Variants in MYH11 observed in about 807,000 individuals in gnomAD.
MYH11 encodes myosin-11.
In MYH11, 80 loss-of-function variants were observed where a neutral mutation model predicts 246.6. The ratio of observed to expected loss-of-function variants is 0.32; its 90% CI spans 0.27 to 0.39. The LOEUF is 0.39. Ranked by LOEUF, MYH11 falls within the 10% of genes least tolerant of loss-of-function variation. The probability of loss-of-function intolerance (pLI) is 1.00; values close to 1 mark genes in which losing one functional copy is unlikely to be tolerated. For missense variants in MYH11, 2,158 were observed against 2,546.8 expected (o/e 0.85, Z 3.29); for synonymous variants, 1,071 against 1,015.5 (o/e 1.05, Z -1.04).
chr16:15,777,723 A>G (rs950732309), intron 7 of MYH11, among the ~76,000 whole-genome samples: 2 of 151,962 alleles, frequency 1.3e-5, no homozygotes, highest in South Asian at 2.1e-4. Context: ...AATAGCCACC[A>G]CCTATGAGAT....
At chr16:15,705,556 T>A (rs969122554) in intron 40 of MYH11, among the ~76,000 whole-genome samples, 5 of 152,204 alleles carry the variant, frequency 3.3e-5, no homozygotes, top group Non-Finnish European at 5.9e-5. Flanking sequence ...CATCTGGCCC[T>A]GTTTGACCTG....
At chr16:15,854,247 A>T (rs1173707122) in intron 1 of MYH11, among the ~76,000 whole-genome samples, 3 of 152,192 alleles carry the variant, frequency 2.0e-5, no homozygotes, top group Non-Finnish European at 4.4e-5. Flanking sequence ...AAGATGAGCC[A>T]TGCCATACTG....
intron 3 of MYH11, among the ~76,000 whole-genome samples, chr16:15,818,725 C>T (rs1241216948): frequency 4.0e-5 from 6 of 151,832 alleles, no homozygotes; most frequent in South Asian, 4.2e-4. Context: ...CGTTAGCCAC[C>T]GTGCCCGATT....
At position 15,718,410 on chromosome 16, in the gene MYH11, G is replaced by C. The variant is rs2040284764; in HGVS notation, c.5200C>G (p.Leu1734Val). Residue 1734 changes from leucine (L) to valine (V), a missense_variant, in exon 37 of 41, where the codon CTG (leucine) becomes GTG (valine). By Grantham distance (32) the Leu-to-Val change is conservative (BLOSUM62 1). Coordinates refer to ENST00000300036, the MANE Select transcript of MYH11 (RefSeq NM_002474.3). ...RNALQDEKRR[L>V]EARIAQLEEE... ...TCCAGCTGGGCGATCCGGGCCTCCA[G>C]GCGGCGCTTCTCGTCCTGGAGTGCG... 1 of 1,588,660 alleles carries C rather than the reference G, an allele frequency of 6.3e-7. No homozygotes were observed. Among genetic ancestry groups the C allele is most frequent in the Non-Finnish European group, 8.6e-7 (1 of 1,168,790 alleles).
chr16:15,842,170 T>G (rs1407026527), intron 1 of MYH11, among the ~76,000 whole-genome samples: 3 of 152,202 alleles, frequency 2.0e-5, no homozygotes, highest in Non-Finnish European at 4.4e-5. Context: ...GTGGAACACC[T>G]GAGGTCAGGA....
chr16:15,765,211 G>A (rs916058215), intron 9 of MYH11, among the ~76,000 whole-genome samples: 13 of 146,890 alleles, frequency 8.9e-5, no homozygotes, highest in Admixed American at 6.2e-4. Flanking sequence ...CGGATGGATG[G>A]ATGGGTGGGT....
chr16:15,720,321 G>C lies in MYH11; in HGVS notation c.4792-9C>G, dbSNP rs201567063. The stretch of plus-strand genomic sequence containing the variant: ...GTCTCATACTCGTGAAGCTGGGCGA[G>C]GAATAGAGATGTGTGCTGCCCCACT... On this transcript the variant is annotated splice_polypyrimidine_tract_variant and intron_variant, in intron 33 of 40. Transcript: ENST00000300036. 1 of 1,612,994 alleles carries C rather than the reference G, an allele frequency of 6.2e-7. No homozygotes were observed. Among genetic ancestry groups the C allele is most frequent in the East Asian group, 2.2e-5 (1 of 44,854 alleles).
intron 27 of MYH11, among the ~76,000 whole-genome samples, chr16:15,732,238 C>T (rs1380134118): frequency 6.6e-6 from 1 of 152,128 alleles, no homozygotes; most frequent in Non-Finnish European, 1.5e-5. Context: ...GCTGGGATTA[C>T]AGGCTTGAGC....
intron 10 of MYH11, 65 bp from the exon 11 acceptor site, chr16:15,760,723 C>T (rs1016392724): frequency 3.6e-5 from 39 of 1,082,844 alleles, no homozygotes; most frequent in Admixed American, 8.4e-5. Context: ...GAAGACACAT[C>T]GCATGGGATA....
chr16:15,832,758 A>G (rs2043774034), intron 2 of MYH11, among the ~76,000 whole-genome samples: 1 of 151,976 alleles, frequency 6.6e-6, no homozygotes, highest in African/African-American at 2.4e-5. Context: ...GGCCTCTGGC[A>G]CTGTCCCCTC....
intron 8 of MYH11, among the ~76,000 whole-genome samples, chr16:15,773,011 G>A (rs2042140106): frequency 1.3e-5 from 2 of 152,062 alleles, no homozygotes; most frequent in South Asian, 4.1e-4. Context: ...ATATTACAAT[G>A]TAATAATAAA....
Position 15,750,433 on chromosome 16 carries a change from C to A in MYH11, c.1865-102G>T, listed in dbSNP as rs2041536799. On this transcript the variant is annotated intron_variant, in intron 15 of 40. Coordinates refer to ENST00000300036, the MANE Select transcript of MYH11 (RefSeq NM_002474.3). This position sits in a 1 kb window ranked among gnomAD's most constrained non-coding sequence, Gnocchi z 4.3. ...CACCCACCAACCTGCCCACTCCAAT[C>A]TTTCCTTCCATCACCAACGCCTCCT... The A allele has an allele frequency of 1.7e-6, 2 of 1,179,252 alleles. No homozygotes were observed. Among genetic ancestry groups the A allele is most frequent in the Non-Finnish European group, 2.4e-6 (2 of 824,736 alleles). The allele number at this position is 1,179,252 out of a possible 1,614,324, so 73.0% of individuals were successfully genotyped here.
chr16:15,856,790 GATCC>G (rs1432065386), intron 1 of MYH11, among the ~76,000 whole-genome samples, 147 bp downstream of exon 1: 1 of 151,806 alleles, frequency 6.6e-6, no homozygotes, highest in Non-Finnish European at 1.5e-5. Flanking sequence ...GGCAGAGAGA[GATCC>G]AAATCACAAC....
intron 40 of MYH11, among the ~76,000 whole-genome samples, chr16:15,712,539 T>C (rs2039862596): frequency 6.6e-6 from 1 of 151,886 alleles, no homozygotes; most frequent in Non-Finnish European, 1.5e-5. Context: ...GAGGTTGCAG[T>C]GAGCTGAGAT....
At position 15,703,986 on chromosome 16, in the gene MYH11, G is replaced by C. The variant is rs1875184; in HGVS notation, c.*5C>G. On this transcript the variant is annotated 3_prime_UTR_variant, in exon 41 of 41. Transcript: ENST00000300036. Reference sequence around the variant, plus strand: ...TTGCCGTGGTGCAAAACTGTAGAAAGTTGCTTATTCACTGGCCTTGGTTCC... The same window carrying C: ...TTGCCGTGGTGCAAAACTGTAGAAACTTGCTTATTCACTGGCCTTGGTTCC... The C allele has an allele frequency of 4.9e-3, 7,985 of 1,613,956 alleles. 350 individuals carry two copies. In the African/African-American group the frequency reaches 0.094, roughly 19 times the overall value.
At position 15,703,880 on chromosome 16, in the gene MYH11, T is replaced by TAA; in HGVS notation, c.*109_*110dup. 3 of 1,401,946 alleles carry TAA rather than the reference T, an allele frequency of 2.1e-6. No homozygotes were observed. The highest frequency in any genetic ancestry group is 3.0e-6 in the Non-Finnish European group (3 of 992,144). 86.8% of individuals were successfully genotyped at this position (1,401,946 alleles called of 1,614,324 possible). ...ATTTGAGAATGGATTTAGACAATGCTAAGTACAGTCTGCTGGGTTTTGCTT... is the reference window on the plus strand; with the variant it reads ...ATTTGAGAATGGATTTAGACAATGCTAAAAGTACAGTCTGCTGGGTTTTGCTT... On this transcript the variant is annotated 3_prime_UTR_variant, in exon 41 of 41. Coordinates refer to ENST00000300036, the MANE Select transcript of MYH11 (RefSeq NM_002474.3).
intron 1 of MYH11, among the ~76,000 whole-genome samples, chr16:15,850,560 C>A (rs1416863144): frequency 6.6e-6 from 1 of 152,112 alleles, no homozygotes; most frequent in Non-Finnish European, 1.5e-5. Context: ...GTAAGTAATA[C>A]AGAGTGACCC....
chr16:15,771,612 C>T lies in MYH11; in HGVS notation c.990G>A (p.Val330=), dbSNP rs1194220459. 6.2e-7 allele frequency: 1 copy of T among 1,613,866 alleles called. No homozygotes were observed. The highest frequency in any genetic ancestry group is 1.7e-5 in the Admixed American group (1 of 59,970). Residue 330 remains valine (V), a synonymous_variant, in exon 9 of 41, where the codon GTG becomes GTA. Transcript: ENST00000300036. ...AQDDEMFQET[V]EAMAIMGFSE... The stretch of plus-strand genomic sequence containing the variant: ...TGAAACCCATGATTGCCATGGCCTC[C>T]ACGGTTTCCTGGAACATCTCATCAT...
At chr16:15,732,917 G>A in intron 26 of MYH11, 1 of 622,470 alleles carries the variant, frequency 1.6e-6, no homozygotes, top group Non-Finnish European at 2.9e-6. Context: ...ACCTGCCTAG[G>A]ACATCTGTAA....
Sources: gnomAD v4.1 joint callset for allele counts (sites outside exome capture counted in the v4.1 genomes callset) on GRCh38, gnomAD v4.1.1 for gene constraint, Gnocchi (gnomAD v3.1) non-coding constraint, MANE v1.5 for transcripts, NCBI Gene and HGNC (gene_info 2026-07-23, HGNC 2026-07-21) for gene names.